DPP10: variants seen among roughly 807,000 people sequenced by gnomAD.
DPP10 encodes dipeptidyl peptidase like 10, also known as inactive dipeptidyl peptidase 10.
DPP10 carries 33 observed loss-of-function variants against 120.9 expected under a neutral mutation model. The ratio of observed to expected loss-of-function variants is 0.27; its 90% CI spans 0.21 to 0.37. The LOEUF is 0.37. Ranked by LOEUF, DPP10 falls within the 10% of genes least tolerant of loss-of-function variation. The probability of loss-of-function intolerance (pLI) is 1.00; values close to 1 mark genes in which losing one functional copy is unlikely to be tolerated. For missense variants in DPP10, 816 were observed against 942.8 expected (o/e 0.87, Z 1.76); for synonymous variants, 337 against 326.1 (o/e 1.03, Z -0.36).
chr2:114,473,055 A>C (rs1039532491), intron 1 of DPP10, among the ~76,000 whole-genome samples: 4 of 152,182 alleles, frequency 2.6e-5, no homozygotes, highest in Admixed American at 2.0e-4. Flanking sequence ...TCTGGGCCAA[A>C]TCTGGGTGGT....
intron 11 of DPP10, among the ~76,000 whole-genome samples, chr2:115,756,847 G>C (rs923381745): frequency 6.6e-6 from 1 of 151,990 alleles, no homozygotes; most frequent in Admixed American, 6.6e-5. Context: ...ACTTCTTGCT[G>C]CATCATCCCA....
At chr2:114,498,593 G>T (rs1006583237) in intron 1 of DPP10, among the ~76,000 whole-genome samples, 1 of 152,186 alleles carries the variant, frequency 6.6e-6, no homozygotes, top group African/African-American at 2.4e-5. Flanking sequence ...TGGGGAGGTT[G>T]TTCTTGTTGC....
chr2:114,611,029 C>T (rs987101107), intron 1 of DPP10, among the ~76,000 whole-genome samples: 1 of 152,074 alleles, frequency 6.6e-6, no homozygotes, highest in African/African-American at 2.4e-5. Context: ...CTTGTGTAGC[C>T]TCAGGTATAA....
intron 1 of DPP10, among the ~76,000 whole-genome samples, chr2:115,254,872 G>A (rs1449115823): frequency 6.6e-6 from 1 of 152,194 alleles, no homozygotes; most frequent in Non-Finnish European, 1.5e-5. Context: ...CATCCCTGTG[G>A]CTTTTCGGGG....
At chr2:115,254,879 G>A (rs1004701828) in intron 1 of DPP10, among the ~76,000 whole-genome samples, 6 of 152,180 alleles carry the variant, frequency 3.9e-5, no homozygotes, top group Admixed American at 2.0e-4. Flanking sequence ...GTGGCTTTTC[G>A]GGGTACAGGT....
chr2:115,379,693 G>T, intron 3 of DPP10, among the ~76,000 whole-genome samples: 1 of 151,980 alleles, frequency 6.6e-6, no homozygotes, highest in Non-Finnish European at 1.5e-5. Context: ...GGCATTTAGT[G>T]CTATAAATTT....
chr2:115,431,081 C>A lies in DPP10; in HGVS notation c.272-68429C>A, dbSNP rs151158067. 2.0e-4 allele frequency among the ~76,000 whole-genome samples: 30 copies of A among 152,280 alleles called. No homozygotes were observed. The East Asian group carries it at 5.6e-3, about 28-fold the overall frequency. On this transcript the variant is annotated intron_variant, in intron 3 of 25. Transcript: ENST00000410059. ...AAATCAGATGATATCAACATAGAGA[C>A]CCAGGGTTATTATTCATGACAGTGC...
At chr2:114,828,847 C>T (rs114752187) in intron 1 of DPP10, 3,025 of 152,302 alleles carry the variant, frequency 0.02, 107 homozygotes, top group African/African-American at 0.069. Flanking sequence ...GAGAAGAAAG[C>T]GGTGTATCTG....
In DPP10 at chr2:115,652,409, A is replaced by ATGTGTATGTGTG. The variant is rs1181566449; in HGVS notation, c.442-37273_442-37272insATGTGTGTGTGT. Among the ~76,000 whole-genome samples the ATGTGTATGTGTG allele has an allele frequency of 9.4e-3, 1,375 of 145,552 alleles. 24 individuals carry two copies. The highest frequency in any genetic ancestry group is 0.035 in the African/African-American group (1,313 of 37,852). On this transcript the variant is annotated intron_variant, in intron 5 of 25. Transcript: ENST00000410059. ...GAGAAAGAAAACCAATAGGATATAT[A>ATGTGTATGTGTG]TGTGTGTGTGTGTGTGTGTGTGTGT...
At chr2:115,086,331 G>A (rs1264932093) in intron 1 of DPP10, among the ~76,000 whole-genome samples, 1 of 151,946 alleles carries the variant, frequency 6.6e-6, no homozygotes, top group East Asian at 1.9e-4. Context: ...CAGGTCTTTA[G>A]ACAAACTCAA....
At chr2:115,400,405 G>A (rs1185196116) in intron 3 of DPP10, among the ~76,000 whole-genome samples, 5 of 151,674 alleles carry the variant, frequency 3.3e-5, no homozygotes, top group Non-Finnish European at 7.4e-5. Flanking sequence ...GCAGCATGAA[G>A]ATGTTGTCAC....
chr2:115,440,157 G>A (rs554256452), intron 3 of DPP10, among the ~76,000 whole-genome samples: 8 of 148,256 alleles, frequency 5.4e-5, no homozygotes, highest in Middle Eastern at 3.4e-3. Context: ...GTGTGTGTGC[G>A]TGTGTGTGTG....
chr2:114,795,631 C>T (rs756386392), intron 1 of DPP10, among the ~76,000 whole-genome samples: 15 of 152,012 alleles, frequency 9.9e-5, no homozygotes, highest in Non-Finnish European at 2.9e-5. Context: ...TGTGGGCCCA[C>T]CTATACGCAG....
rs767895408 is a variant in DPP10, at chr2:115,781,010, G to T, written c.1483+15G>T. On this transcript the variant is annotated intron_variant, in intron 16 of 25. Transcript: ENST00000410059. ...ATTCTGTGAAGGTAAGATAATACAT[G>T]AATTCTGATATAATATATTTTATTC... The T allele has an allele frequency of 3.2e-6, 5 of 1,552,154 alleles. No homozygotes were observed. The South Asian group carries it at 4.8e-5, about 15-fold the overall frequency.
chr2:115,269,607 G>A (rs1378880516), intron 1 of DPP10, among the ~76,000 whole-genome samples: 1 of 152,116 alleles, frequency 6.6e-6, no homozygotes, highest in Admixed American at 6.5e-5. Context: ...TATGCAGGTG[G>A]CCTCATGGGA....
intron 3 of DPP10, among the ~76,000 whole-genome samples, chr2:115,415,846 TA>T (rs1225595254): frequency 7.9e-6 from 1 of 126,332 alleles, no homozygotes; most frequent in African/African-American, 3.3e-5. Flanking sequence ...TGCTTTTATA[TA>T]TATATATATA....
At chr2:115,337,883 A>G (rs2063239261) in intron 2 of DPP10, among the ~76,000 whole-genome samples, 1 of 152,010 alleles carries the variant, frequency 6.6e-6, no homozygotes. Flanking sequence ...AATGAAGTAT[A>G]TAGTTTTCTC....
intron 1 of DPP10, among the ~76,000 whole-genome samples, chr2:114,656,426 A>G (rs1241107751): frequency 1.3e-5 from 2 of 152,132 alleles, no homozygotes; most frequent in Admixed American, 1.3e-4. Flanking sequence ...AAAGGAGAGG[A>G]CGGAAGGGGG....
At chr2:115,674,460 C>A (rs544987219) in intron 5 of DPP10, among the ~76,000 whole-genome samples, 1 of 150,988 alleles carries the variant, frequency 6.6e-6, no homozygotes, top group Non-Finnish European at 1.5e-5. Context: ...TCCACCTTGC[C>A]GGCAGTTACA....
Sources: gnomAD v4.1 joint callset for allele counts (sites outside exome capture counted in the v4.1 genomes callset) on GRCh38, gnomAD v4.1.1 for gene constraint, MANE v1.5 for transcripts, NCBI Gene and HGNC (gene_info 2026-07-23, HGNC 2026-07-21) for gene names.